SUCLG2: variants seen among roughly 807,000 people sequenced by gnomAD.
The protein encoded by SUCLG2 is succinate--CoA ligase [GDP-forming] subunit beta, mitochondrial.
SUCLG2 carries 42 observed loss-of-function variants against 47.9 expected under a neutral mutation model. The ratio of observed to expected loss-of-function variants is 0.88; its 90% CI spans 0.69 to 1.14. The LOEUF (loss-of-function observed/expected upper bound fraction) is 1.14. Ranked by LOEUF, SUCLG2 falls within the 50% of genes most tolerant of loss-of-function variation. The probability of loss-of-function intolerance (pLI) is 0.00; values close to 1 mark genes in which losing one functional copy is unlikely to be tolerated. For synonymous variants in SUCLG2, 195 were observed against 197.3 expected (o/e 0.99, Z 0.10); for missense variants, 571 against 525.9 (o/e 1.09, Z -0.84).
intron 9 of SUCLG2, among the ~76,000 whole-genome samples, chr3:67,492,265 G>A (rs1239456846): frequency 1.3e-5 from 2 of 152,186 alleles, no homozygotes; most frequent in Non-Finnish European, 2.9e-5. Flanking sequence ...CGTGCCAAGT[G>A]TCCTTTCCTT....
chr3:67,437,052 A>G (rs1307794636), intron 9 of SUCLG2, among the ~76,000 whole-genome samples: 1 of 152,182 alleles, frequency 6.6e-6, no homozygotes, highest in East Asian at 1.9e-4. Context: ...ACTTAAACAC[A>G]TTGAGTATTA....
intron 2 of SUCLG2, 128 bp from the exon 3 acceptor site, chr3:67,529,314 A>G (rs1350261528): frequency 4.5e-6 from 3 of 666,440 alleles, no homozygotes; most frequent in Non-Finnish European, 7.6e-6. Flanking sequence ...ACTAACTTTG[A>G]AAATAAATGC....
chr3:67,515,121 G>C (rs924786099), intron 6 of SUCLG2, among the ~76,000 whole-genome samples: 3 of 152,072 alleles, frequency 2.0e-5, no homozygotes, highest in African/African-American at 7.3e-5. Context: ...AGTACAATGA[G>C]GTATTTTGAG....
At chr3:67,498,016 T>C in intron 8 of SUCLG2, 118 bp downstream of exon 8, 1 of 1,090,992 alleles carries the variant, frequency 9.2e-7, no homozygotes, top group Non-Finnish European at 1.3e-6. Context: ...CTAAGACTTT[T>C]CAGCTACAAA....
intron 1 of SUCLG2, among the ~76,000 whole-genome samples, chr3:67,624,818 T>C (rs565393449): frequency 2.0e-5 from 3 of 152,290 alleles, no homozygotes; most frequent in African/African-American, 7.2e-5. Flanking sequence ...TATACCCAAG[T>C]GCAGAATGCA....
At chr3:67,603,984 T>A (rs1262816409) in intron 2 of SUCLG2, among the ~76,000 whole-genome samples, 1 of 152,200 alleles carries the variant, frequency 6.6e-6, no homozygotes, top group African/African-American at 2.4e-5. Context: ...AACTCCTCCT[T>A]TAAAGCGTGA....
chr3:67,529,065 G>A (rs1233424313), intron 3 of SUCLG2, 22 bp downstream of exon 3: 2 of 1,583,844 alleles, frequency 1.3e-6, no homozygotes, highest in Non-Finnish European at 1.7e-6. Flanking sequence ...AAAAGACAAG[G>A]AATAACAACC....
At chr3:67,364,327 G>T (rs1701847462) in intron 10 of SUCLG2, among the ~76,000 whole-genome samples, 1 of 152,100 alleles carries the variant, frequency 6.6e-6, no homozygotes, top group African/African-American at 2.4e-5. Flanking sequence ...AACACATGGG[G>T]AGCCTGGCCT....
chr3:67,434,262 A>G (rs539072231), intron 9 of SUCLG2, among the ~76,000 whole-genome samples: 1 of 152,354 alleles, frequency 6.6e-6, no homozygotes, highest in African/African-American at 2.4e-5. Context: ...ATAGTGGCTC[A>G]CGTCCGTTAT....
At chr3:67,567,568 C>T (rs1707488514) in intron 2 of SUCLG2, among the ~76,000 whole-genome samples, 1 of 152,210 alleles carries the variant, frequency 6.6e-6, no homozygotes, top group South Asian at 2.1e-4. Context: ...CATAAGCTAC[C>T]TTGCCCAGCC....
intron 2 of SUCLG2, among the ~76,000 whole-genome samples, chr3:67,532,181 G>A (rs1706422117): frequency 6.6e-6 from 1 of 152,166 alleles, no homozygotes; most frequent in African/African-American, 2.4e-5. Flanking sequence ...TGTCACCCAG[G>A]CTGGAGTGCA....
chr3:67,571,638 A>C (rs1464255481), intron 2 of SUCLG2, among the ~76,000 whole-genome samples: 1 of 152,260 alleles, frequency 6.6e-6, no homozygotes, highest in Non-Finnish European at 1.5e-5. Context: ...TTAGCAAACT[A>C]TTTAGACCAC....
intron 7 of SUCLG2, among the ~76,000 whole-genome samples, chr3:67,502,308 A>G (rs1285365702): frequency 6.6e-6 from 1 of 152,246 alleles, no homozygotes; most frequent in Non-Finnish European, 1.5e-5. Context: ...AGTACCAAAC[A>G]AACAAAGTGC....
intron 1 of SUCLG2, among the ~76,000 whole-genome samples, chr3:67,612,225 A>G (rs919407465): frequency 6.6e-6 from 1 of 152,128 alleles, no homozygotes; most frequent in Non-Finnish European, 1.5e-5. Flanking sequence ...TGGATGTGGT[A>G]GTGCATGCCC....
rs767198640 is a variant in SUCLG2, at chr3:67,528,225, A to C, written c.327-3T>G. 18 of 1,612,534 alleles carry C rather than the reference A, an allele frequency of 1.1e-5. No homozygotes were observed. In the South Asian group the frequency reaches 1.8e-4, roughly 16 times the overall value. ...CCAGCTGTCCCACAACATTAGGGCT[A>C]AGAGAAAGAGAAAACAAGCAGAAAA... On this transcript the variant is annotated splice_region_variant and splice_polypyrimidine_tract_variant and intron_variant, in intron 3 of 10. Transcript: ENST00000307227.
chr3:67,631,401 G>A (rs1364211720), intron 1 of SUCLG2, among the ~76,000 whole-genome samples: 1 of 152,124 alleles, frequency 6.6e-6, no homozygotes, highest in Admixed American at 6.5e-5. Context: ...GCCGAGGTGG[G>A]TGGATTCCTT....
intron 2 of SUCLG2, among the ~76,000 whole-genome samples, chr3:67,577,264 T>C (rs532784542): frequency 1.2e-3 from 179 of 152,154 alleles, no homozygotes; most frequent in Middle Eastern, 3.4e-3. Flanking sequence ...GCTGAGATCC[T>C]GCCACTGCAC....
Position 67,522,027 on chromosome 3 carries a change from C to CATTTATTT in SUCLG2, c.418-1401_418-1394dup, listed in dbSNP as rs4021918. Reference sequence around the variant, plus strand: ...CAATATTTATTTAACCATGTTCCTGCATTTATTTATTTATTTATCTATTTA... The same window carrying CATTTATTT: ...CAATATTTATTTAACCATGTTCCTGCATTTATTTATTTATTTATTTATTTATCTATTTA... On this transcript the variant is annotated intron_variant, in intron 4 of 10. Coordinates refer to ENST00000307227, the MANE Select transcript of SUCLG2 (RefSeq NM_003848.4). Among the ~76,000 whole-genome samples, 163 of 151,084 alleles carry CATTTATTT rather than the reference C, an allele frequency of 1.1e-3. 1 individual carries two copies. Among genetic ancestry groups the CATTTATTT allele is most frequent in the African/African-American group, 3.1e-3 (128 of 41,102 alleles).
At chr3:67,545,263 T>C (rs1379384438) in intron 2 of SUCLG2, among the ~76,000 whole-genome samples, 1 of 152,184 alleles carries the variant, frequency 6.6e-6, no homozygotes, top group African/African-American at 2.4e-5. Flanking sequence ...GTTGTTGCCA[T>C]AAAAAGGAAT....
Sources: gnomAD v4.1 joint callset for allele counts (sites outside exome capture counted in the v4.1 genomes callset) on GRCh38, gnomAD v4.1.1 for gene constraint, MANE v1.5 for transcripts, NCBI Gene and HGNC (gene_info 2026-07-23, HGNC 2026-07-21) for gene names.